The following GPAT3 variants were observed in gnomAD, a reference collection of about 807,000 sequenced individuals.
The protein encoded by GPAT3 is 1-AGP acyltransferase 9.
Under a neutral mutation model 58.8 loss-of-function variants are expected in GPAT3, and 53 were observed. The observed-to-expected ratio is 0.90, with a 90% CI of 0.72 to 1.13. GPAT3 has a LOEUF of 1.13. Ranked by LOEUF, GPAT3 falls within the 50% of genes most tolerant of loss-of-function variation. GPAT3 has a pLI of 0.00. For synonymous variants in GPAT3, 197 were observed against 187.4 expected, an observed-to-expected ratio of 1.05 and a Z score of -0.42; for missense variants, 511 against 527.6, an observed-to-expected ratio of 0.97 and a Z score of 0.31.
intron 2 of GPAT3, among the ~76,000 whole-genome samples, chr4:83,562,182 TA>T (rs1725152792): frequency 1.6e-4 from 5 of 30,826 alleles, no homozygotes; most frequent in East Asian, 8.2e-4. Flanking sequence ...TTATATATTA[TA>T]TATATATATA....
intron 2 of GPAT3, among the ~76,000 whole-genome samples, chr4:83,574,649 T>TAGAATTAAA (rs1414513992): frequency 1.3e-5 from 1 of 76,920 alleles, no homozygotes; most frequent in Non-Finnish European, 2.5e-5. Context: ...TTTTTTTTTT[T>TAGAATTAAA]TTTTTTTTTT....
chr4:83,558,818 G>A (rs1315263576), intron 2 of GPAT3, among the ~76,000 whole-genome samples: 1 of 152,176 alleles, frequency 6.6e-6, no homozygotes, highest in East Asian at 1.9e-4. Context: ...AGGAAATTCT[G>A]AAGCCTGAAA....
intron 2 of GPAT3, among the ~76,000 whole-genome samples, chr4:83,558,743 A>G (rs1045850108): frequency 5.3e-5 from 8 of 152,232 alleles, no homozygotes; most frequent in African/African-American, 1.7e-4. Context: ...AAAACAAAGC[A>G]GTTTGGATTT....
At chr4:83,561,948 G>T (rs1445335636) in intron 2 of GPAT3, among the ~76,000 whole-genome samples, 1 of 151,046 alleles carries the variant, frequency 6.6e-6, no homozygotes, top group Non-Finnish European at 1.5e-5. Context: ...GATATAATTG[G>T]TCATTTTTTG....
intron 1 of GPAT3, 25 bp downstream of exon 1, chr4:83,536,788 A>G (rs1349585823): frequency 6.3e-6 from 10 of 1,587,370 alleles, no homozygotes; most frequent in Non-Finnish European, 7.7e-6. Flanking sequence ...GGATGCAGCC[A>G]GCCCCACACC....
Position 83,604,720 on chromosome 4 carries a change from C to T in GPAT3, c.1258C>T (p.Gln420Ter). 1.2e-6 allele frequency: 2 copies of T among 1,613,980 alleles called. No individual in the cohort carries two copies. The highest frequency in any genetic ancestry group is 1.7e-6 in the Non-Finnish European group (2 of 1,179,962). Reference protein sequence around the residue: ...KVKDIFKEEQQKNYSKMIVGN... With the variant: ...KVKDIFKEEQ The stretch of plus-strand genomic sequence containing the variant: ...GAAGGACATCTTTAAGGAAGAGCAG[C>T]AGAAAAATTACAGCAAGATGATTGT... The change falls in exon 12 of 12, where the codon CAG (glutamine) becomes TAG (stop). Residue 420 changes from glutamine to a stop codon, truncating the protein, a stop_gained. Transcript: ENST00000264409. LOFTEE classifies it high-confidence loss of function.
chr4:83,565,111 A>AT (rs936114287), intron 2 of GPAT3, among the ~76,000 whole-genome samples: 4 of 151,212 alleles, frequency 2.6e-5, no homozygotes, highest in South Asian at 2.1e-4. Flanking sequence ...TATTTATTTT[A>AT]TTTTTTTGAG....
intron 2 of GPAT3, among the ~76,000 whole-genome samples, chr4:83,562,048 C>G (rs1056285893): frequency 1.3e-5 from 2 of 150,314 alleles, no homozygotes; most frequent in Admixed American, 6.6e-5. Flanking sequence ...AACAGTTCTA[C>G]TGATGTGAAA....
At chr4:83,594,368 G>C (rs927936703) in intron 6 of GPAT3, among the ~76,000 whole-genome samples, 1 of 152,132 alleles carries the variant, frequency 6.6e-6, no homozygotes, top group Non-Finnish European at 1.5e-5. Context: ...TTCTAGGAGA[G>C]GAATTATTGA....
At chr4:83,574,095 G>A (rs948847357) in intron 2 of GPAT3, among the ~76,000 whole-genome samples, 2 of 152,158 alleles carry the variant, frequency 1.3e-5, no homozygotes, top group Non-Finnish European at 2.9e-5. Context: ...TGGGGTTCTT[G>A]CTCACACAGA....
intron 2 of GPAT3, among the ~76,000 whole-genome samples, chr4:83,580,047 T>A (rs957233622): frequency 6.6e-6 from 1 of 152,240 alleles, no homozygotes; most frequent in Non-Finnish European, 1.5e-5. Context: ...AGTAACCTTT[T>A]GTGATACACC....
chr4:83,581,943 C>A (rs917775247), intron 3 of GPAT3, 111 bp downstream of exon 3: 4 of 1,396,732 alleles, frequency 2.9e-6, no homozygotes, highest in Non-Finnish European at 9.7e-7. Flanking sequence ...CCCATTCCCA[C>A]GTAGGAAATG....
chr4:83,560,905 G>A (rs191230064), intron 2 of GPAT3, among the ~76,000 whole-genome samples: 140 of 152,246 alleles, frequency 9.2e-4, no homozygotes, highest in Non-Finnish European at 1.3e-3. Flanking sequence ...ATGATTGTAA[G>A]TTTCCCCAGG....
At chr4:83,556,937 C>T (rs575361395) in intron 2 of GPAT3, among the ~76,000 whole-genome samples, 86 of 152,302 alleles carry the variant, frequency 5.6e-4, no homozygotes, top group African/African-American at 2.0e-3. Flanking sequence ...GATCAAGGCC[C>T]AGCTTCCTGG....
intron 2 of GPAT3, among the ~76,000 whole-genome samples, chr4:83,550,844 C>G (rs1339189104): frequency 6.6e-6 from 1 of 152,082 alleles, no homozygotes; most frequent in African/African-American, 2.4e-5. Flanking sequence ...TTTCTTGGAA[C>G]AAAAATTACT....
chr4:83,602,418 C>T (rs1439274241), intron 11 of GPAT3, among the ~76,000 whole-genome samples: 1 of 152,102 alleles, frequency 6.6e-6, no homozygotes, highest in Non-Finnish European at 1.5e-5. Flanking sequence ...AAGAAAGTGG[C>T]CTCATTGCCT....
rs1724086290 is a variant in GPAT3, at chr4:83,536,434, A to C, written c.-189A>C. 1 of 1,386,892 alleles carries C rather than the reference A, an allele frequency of 7.2e-7. No individual in the cohort carries two copies. The highest frequency in any genetic ancestry group is 3.1e-5 in the Admixed American group (1 of 31,796). 85.9% of individuals were successfully genotyped at this position (1,386,892 alleles called of 1,614,324 possible). On this transcript the variant is annotated 5_prime_UTR_variant, in exon 1 of 12. Coordinates refer to ENST00000264409, the MANE Select transcript of GPAT3 (RefSeq NM_032717.5). ...GAGTTAACTGGCAGGGGCGAGGAGG[A>C]GCCCAGGGAGGAAGGAAGGATATTG...
At chr4:83,599,085 T>G (rs1190352914) in intron 11 of GPAT3, among the ~76,000 whole-genome samples, 1 of 152,030 alleles carries the variant, frequency 6.6e-6, no homozygotes, top group African/African-American at 2.4e-5. Context: ...TTCCTGGCCT[T>G]TTCTTTTTTT....
At chr4:83,597,562 G>T (rs185333257) in intron 9 of GPAT3, 47 bp downstream of exon 9, 33 of 1,281,146 alleles carry the variant, frequency 2.6e-5, no homozygotes, top group Non-Finnish European at 3.3e-5. Context: ...TAAAGATATT[G>T]GATTGGTAAT....
Sources: allele counts gnomAD v4.1 joint callset (sites outside exome capture counted in the v4.1 genomes callset), GRCh38; gene constraint gnomAD v4.1.1; transcripts MANE v1.5; gene names NCBI Gene and HGNC (gene_info 2026-07-23, HGNC 2026-07-21).